The following NRDE2 variants were observed in gnomAD, a reference collection of about 807,000 sequenced individuals.
NRDE2 encodes NRDE-2, necessary for RNA interference, domain containing.
Under a neutral mutation model 124.2 loss-of-function variants are expected in NRDE2, and 76 were observed. The observed-to-expected ratio is 0.61, with a 90% CI of 0.51 to 0.74. The LOEUF (loss-of-function observed/expected upper bound fraction) is 0.74. Among genes scored for constraint, NRDE2 ranks in the 30% least tolerant of loss-of-function variants. NRDE2 has a pLI of 0.00. For synonymous variants in NRDE2, 489 were observed against 528.1 expected (o/e 0.93, Z 1.01); for missense variants, 1,314 against 1,417.3 (o/e 0.93, Z 1.17).
chr14:90,313,410 G>A (rs181283564), intron 3 of NRDE2, among the ~76,000 whole-genome samples: 125 of 152,052 alleles, frequency 8.2e-4, no homozygotes, highest in Non-Finnish European at 1.5e-3. Context: ...ACAGGTGTGA[G>A]CCACCGTGCC....
chr14:90,296,272 T>C (rs181150789), intron 8 of NRDE2, among the ~76,000 whole-genome samples: 8 of 152,314 alleles, frequency 5.3e-5, no homozygotes, highest in African/African-American at 1.9e-4. Context: ...GGCCTTTGCT[T>C]ATGCGGTCTT....
chr14:90,309,105 G>T (rs976180310), intron 4 of NRDE2, among the ~76,000 whole-genome samples: 2 of 151,970 alleles, frequency 1.3e-5, no homozygotes, highest in Admixed American at 6.6e-5. Flanking sequence ...AAAAAAACTA[G>T]CCGGGCATTT....
chr14:90,299,931 T>C (rs1884332420), intron 7 of NRDE2, among the ~76,000 whole-genome samples: 1 of 152,212 alleles, frequency 6.6e-6, no homozygotes. Context: ...GGTAACAACG[T>C]CTCTCAGTTA....
At chr14:90,313,318 G>A (rs1884919118) in intron 3 of NRDE2, among the ~76,000 whole-genome samples, 1 of 151,830 alleles carries the variant, frequency 6.6e-6, no homozygotes, top group African/African-American at 2.4e-5. Context: ...GGTAGACATG[G>A]GGTTTCACCA....
Position 90,286,509 on chromosome 14 carries a change from C to T in NRDE2, c.3159-17G>A, listed in dbSNP as rs368794564. 94 of 1,608,752 alleles carry T rather than the reference C, an allele frequency of 5.8e-5. No homozygotes were observed. Among genetic ancestry groups the T allele is most frequent in the Non-Finnish European group, 7.8e-5 (92 of 1,177,906 alleles). On this transcript the variant is annotated splice_polypyrimidine_tract_variant and intron_variant, in intron 11 of 13. Transcript: ENST00000354366. ...CCGTCTAACCTGCAAGGCAAAGGCT[C>T]ACGTGACTCTGACACAAGCTCTCTC...
Position 90,304,084 on chromosome 14 carries a change from G to C in NRDE2, c.856C>G (p.Gln286Glu), listed in dbSNP as rs1483058970. Residue 286 changes from glutamine (Q) to glutamate (E), a missense_variant, in exon 5 of 14, where the codon CAG becomes GAG. Gln to Glu is a conservative substitution (Grantham distance 29, BLOSUM62 2). Transcript: ENST00000354366. Reference protein sequence around the residue: ...DQSTTHWLQGQGPPEQESKQP... With the variant: ...DQSTTHWLQGEGPPEQESKQP... Reference sequence around the variant, plus strand: ...TTTGATTCCTGCTCTGGAGGACCCTGTCCTTGTAGCCAATGTGTGGTTGAC... The same window carrying C: ...TTTGATTCCTGCTCTGGAGGACCCTCTCCTTGTAGCCAATGTGTGGTTGAC... The C allele has an allele frequency of 3.1e-6, 5 of 1,614,084 alleles. No homozygotes were observed. In the African/African-American group the frequency reaches 6.7e-5, roughly 22 times the overall value.
chr14:90,303,255 T>A, intron 5 of NRDE2, 130 bp from the exon 6 acceptor site: 2 of 817,294 alleles, frequency 2.4e-6, no homozygotes, highest in Non-Finnish European at 3.7e-6. Context: ...CTATTTCTTT[T>A]AAAGAAAACC....
rs1891754343 is a variant in NRDE2, at chr14:90,274,618, G to A, written c.*3718C>T. The stretch of plus-strand genomic sequence containing the variant: ...AGGGAAAGGACAGGATGAACCCAAA[G>A]TCTGTTTTGCCAGAAAGCAAGGGAG... On this transcript the variant is annotated 3_prime_UTR_variant, in exon 14 of 14. Transcript: ENST00000354366. 6.6e-6 allele frequency: 1 copy of A among 152,192 alleles called. No homozygotes were observed. Among genetic ancestry groups the A allele is most frequent in the Admixed American group, 6.5e-5 (1 of 15,276 alleles). The allele number at this position is 152,192 out of a possible 1,614,324, so 9.4% of individuals were successfully genotyped here.
In NRDE2 at chr14:90,318,007, T is replaced by C; in HGVS notation, c.171A>G (p.Thr57=). The change falls in exon 2 of 14, where the codon ACA becomes ACG. Residue 57 remains threonine (T), a splice_region_variant and synonymous_variant. Coordinates refer to ENST00000354366, the MANE Select transcript of NRDE2 (RefSeq NM_017970.4). ...PAHVSEGLPL[T]RSHLKSESSD... ...CACATCTGTCAAACAAAAACTACCT[T>C]GTCAGCGGTAACCCTTCAGAAACAT... 6.2e-7 allele frequency: 1 copy of C among 1,612,758 alleles called. No individual in the cohort carries two copies. The highest frequency in any genetic ancestry group is 8.5e-7 in the Non-Finnish European group (1 of 1,179,344).
At chr14:90,318,180 T>G (rs886651571) in intron 1 of NRDE2, 67 bp from the exon 2 acceptor site, 1 of 1,259,276 alleles carries the variant, frequency 7.9e-7, no homozygotes, top group Non-Finnish European at 1.1e-6. Context: ...AGGAGATCTA[T>G]CCATCTTATC....
At chr14:90,296,401 C>A (rs1370947070) in intron 8 of NRDE2, among the ~76,000 whole-genome samples, 3 of 152,066 alleles carry the variant, frequency 2.0e-5, no homozygotes, top group Non-Finnish European at 4.4e-5. Flanking sequence ...AAAGAACACT[C>A]CAGGGAAATC....
rs760692995 is a variant in NRDE2 at position 90,272,433 on chromosome 14, T to C, written c.*5903A>G. On this transcript the variant is annotated 3_prime_UTR_variant, in exon 14 of 14. Coordinates refer to ENST00000354366, the MANE Select transcript of NRDE2 (RefSeq NM_017970.4). This position sits in a 1 kb window ranked among gnomAD's most constrained non-coding sequence, Gnocchi z 4.5. Reference sequence around the variant, plus strand: ...TGAACCATGGCTGTCATCAGGAAAATGGTTGGGAGATTTCTCAATCCCTGA... The same window carrying C: ...TGAACCATGGCTGTCATCAGGAAAACGGTTGGGAGATTTCTCAATCCCTGA... The C allele has an allele frequency of 4.1e-5, 63 of 1,520,952 alleles. No individual in the cohort carries two copies. Among genetic ancestry groups the C allele is most frequent in the Non-Finnish European group, 5.3e-5 (60 of 1,127,666 alleles). The allele number at this position is 1,520,952 out of a possible 1,614,324, so 94.2% of individuals were successfully genotyped here.
In NRDE2 at chr14:90,274,838, A is replaced by ACACCCCC. The variant is rs1491397403; in HGVS notation, c.*3497_*3498insGGGGGTG. The stretch of plus-strand genomic sequence containing the variant: ...CACACACACACACACACACACACAC[A>ACACCCCC]CCCCAATACATATGAATTGATCTGA... On this transcript the variant is annotated 3_prime_UTR_variant, in exon 14 of 14. Transcript: ENST00000354366. The ACACCCCC allele has an allele frequency of 1.5e-4, 10 of 67,214 alleles. No homozygotes were observed. The East Asian group carries it at 2.0e-3, about 14-fold the overall frequency. The allele number at this position is 67,214 out of a possible 1,614,324, so 4.2% of individuals were successfully genotyped here. A position where few individuals can be genotyped will look rare whatever the true frequency, so the allele number is the denominator to read the frequency against.
intron 1 of NRDE2, among the ~76,000 whole-genome samples, 167 bp downstream of exon 1, chr14:90,331,668 TCTGGGC>T (rs1885704584): frequency 6.6e-6 from 1 of 152,218 alleles, no homozygotes; most frequent in Non-Finnish European, 1.5e-5. Flanking sequence ...AGAACAGGCC[TCTGGGC>T]CCCAGACCTC....
rs60863011 is a variant in NRDE2 at position 90,287,033 on chromosome 14, CAAAAAAAAAAAAA to C, written c.3159-554_3159-542del. Among the ~76,000 whole-genome samples, 107 of 23,820 alleles carry C rather than the reference CAAAAAAAAAAAAA, an allele frequency of 4.5e-3. 2 individuals are homozygous for C. In the East Asian group the frequency reaches 0.12, roughly 27 times the overall value. The allele number at this position is 23,820 out of a possible 152,430, so 15.6% of individuals were successfully genotyped here. A position where few individuals can be genotyped will look rare whatever the true frequency, so the allele number is the denominator to read the frequency against. On this transcript the variant is annotated intron_variant, in intron 11 of 13. Coordinates refer to ENST00000354366, the MANE Select transcript of NRDE2 (RefSeq NM_017970.4). ...TGGGCAACAGAGTGAGACTCCGTCT[CAAAAAAAAAAAAA>C]AAAAAAAAAAAAAAAAAGAGAAAGA...
At chr14:90,317,546 C>T (rs924642452) in intron 2 of NRDE2, among the ~76,000 whole-genome samples, 5 of 152,178 alleles carry the variant, frequency 3.3e-5, no homozygotes, top group Non-Finnish European at 7.4e-5. Flanking sequence ...TGTAAGACAG[C>T]TTATTTCTCA....
At chr14:90,289,200 T>A in intron 10 of NRDE2, 55 bp from the exon 11 acceptor site, 1 of 1,411,318 alleles carries the variant, frequency 7.1e-7, no homozygotes, top group Middle Eastern at 1.8e-4. Flanking sequence ...AGGCGTCCTC[T>A]GCTGCCAACT....
chr14:90,269,741 C>A lies in NRDE2; in HGVS notation c.*8595G>T. 2.0e-6 allele frequency: 1 copy of A among 498,448 alleles called. No homozygotes were observed. Among genetic ancestry groups the A allele is most frequent in the Non-Finnish European group, 3.4e-6 (1 of 292,838 alleles). 30.9% of individuals were successfully genotyped at this position (498,448 alleles called of 1,614,324 possible). ...CATGATATGGTCTGTGCACCTTGGC[C>A]CTTTGAATTCCAGTCTTATGTCTTG... On this transcript the variant is annotated 3_prime_UTR_variant, in exon 14 of 14. Coordinates refer to ENST00000354366, the MANE Select transcript of NRDE2 (RefSeq NM_017970.4).
chr14:90,307,187 C>T (rs2139695415), intron 4 of NRDE2, among the ~76,000 whole-genome samples: 1 of 152,264 alleles, frequency 6.6e-6, no homozygotes, highest in South Asian at 2.1e-4. Context: ...TTCAGGCCTG[C>T]CTTCCTACTT....
Sources: gnomAD v4.1 joint callset for allele counts (sites outside exome capture counted in the v4.1 genomes callset) on GRCh38, gnomAD v4.1.1 for gene constraint, Gnocchi (gnomAD v3.1) non-coding constraint, MANE v1.5 for transcripts, NCBI Gene and HGNC (gene_info 2026-07-23, HGNC 2026-07-21) for gene names.